C8orf76: variants seen among roughly 807,000 people sequenced by gnomAD.
C8orf76 encodes the protein chromosome 8 open reading frame 76.
Under a neutral mutation model 38.1 loss-of-function variants are expected in C8orf76, and 46 were observed. The observed-to-expected ratio is 1.21, with a 90% CI of 0.95 to 1.54. The LOEUF is 1.54. Among genes scored for constraint, C8orf76 ranks in the 40% most tolerant of loss-of-function variants. C8orf76 has a pLI of 0.00. For missense variants in C8orf76, 461 were observed against 441.6 expected, an observed-to-expected ratio of 1.04 and a Z score of -0.39; for synonymous variants, 166 against 167.5, an observed-to-expected ratio of 0.99 and a Z score of 0.07.
At chr8:123,226,272 C>G (rs1428556190) in intron 5 of C8orf76, 3 of 1,370,014 alleles carry the variant, frequency 2.2e-6, no homozygotes, top group Non-Finnish European at 2.8e-6. Flanking sequence ...CAGGTGCTAA[C>G]AAGCACTGAC....
At chr8:123,232,543 G>A (rs991864811) in intron 3 of C8orf76, among the ~76,000 whole-genome samples, 2 of 152,148 alleles carry the variant, frequency 1.3e-5, no homozygotes, top group Admixed American at 1.3e-4. Context: ...GAGGTCTAAG[G>A]AAAGCCTGGC....
intron 4 of C8orf76, 79 bp from the exon 5 acceptor site, chr8:123,226,711 AGAAAGCCCAGGTATT>A: frequency 6.7e-7 from 1 of 1,503,224 alleles, no homozygotes; most frequent in Non-Finnish European, 8.8e-7. Flanking sequence ...GGAAATGTTC[AGAAAGCCCAGGTATT>A]GAGTCGGCTG....
chr8:123,223,044 G>A (rs1370883116), intron 5 of C8orf76, among the ~76,000 whole-genome samples: 6 of 152,104 alleles, frequency 3.9e-5, no homozygotes, highest in Non-Finnish European at 8.8e-5. Context: ...TTCTTGCAAG[G>A]ATTTATTAAA....
intron 1 of C8orf76, among the ~76,000 whole-genome samples, chr8:123,240,755 G>A (rs1307239856): frequency 6.6e-6 from 1 of 152,212 alleles, no homozygotes; most frequent in African/African-American, 2.4e-5. Flanking sequence ...CTTCCTAGAG[G>A]AGATGACATT....
In C8orf76 at chr8:123,232,303, C is replaced by T. The variant is rs1313372772; in HGVS notation, c.358-546G>A. On this transcript the variant is annotated intron_variant, in intron 3 of 5. Transcript: ENST00000276704. ...ACGCATTCTAATTGAATCCAAATGC[C>T]TTCCCTGGTAACCATTACCAAGGTC... 3.9e-5 allele frequency among the ~76,000 whole-genome samples: 6 copies of T among 152,338 alleles called. 1 individual carries two copies. The highest frequency in any genetic ancestry group is 2.6e-4 in the Admixed American group (4 of 15,308).
rs534528427 is a variant in C8orf76, at chr8:123,235,869, G to A, written c.357+1929C>T. On this transcript the variant is annotated intron_variant, in intron 3 of 5. Coordinates refer to ENST00000276704, the MANE Select transcript of C8orf76 (RefSeq NM_032847.3). ...ACAACAGTGACGTGCAAGAAACGCC[G>A]AGCGAGCAGGACAGTAGTAAAGGCT... is the stretch of plus-strand genomic sequence containing the variant. Among the ~76,000 whole-genome samples the A allele has an allele frequency of 1.1e-4, 16 of 152,302 alleles. No individual in the cohort carries two copies. In the South Asian group the frequency reaches 1.4e-3, roughly 14 times the overall value.
chr8:123,223,830 T>C (rs1489291836), intron 5 of C8orf76, among the ~76,000 whole-genome samples: 1 of 152,172 alleles, frequency 6.6e-6, no homozygotes, highest in African/African-American at 2.4e-5. Context: ...GAAAACATTA[T>C]GCTAAGTGAA....
At chr8:123,231,908 T>C in intron 3 of C8orf76, 151 bp from the exon 4 acceptor site, 1 of 859,618 alleles carries the variant, frequency 1.2e-6, no homozygotes, top group Non-Finnish European at 1.7e-6. Context: ...TCAATATATC[T>C]CATGTTTGAA....
At chr8:123,229,333 C>CTAG (rs905618274) in intron 4 of C8orf76, among the ~76,000 whole-genome samples, 1 of 152,186 alleles carries the variant, frequency 6.6e-6, no homozygotes, top group Non-Finnish European at 1.5e-5. Context: ...CCTGATCCAT[C>CTAG]TAGTGGGATC....
chr8:123,220,691 G>A (rs1221648699), intron 5 of C8orf76, among the ~76,000 whole-genome samples: 1 of 152,122 alleles, frequency 6.6e-6, no homozygotes, highest in Non-Finnish European at 1.5e-5. Flanking sequence ...ATGTAGCTGG[G>A]CCCACCTTTT....
rs1449441439 is a variant in C8orf76, at chr8:123,239,096, G to A, written c.166C>T (p.Leu56Phe). The change falls in exon 2 of 6, where the codon CTC becomes TTC. Residue 56 changes from leucine (L) to phenylalanine (F), a missense_variant. Physicochemically the swap from Leu to Phe is conservative, Grantham distance 22. Coordinates refer to ENST00000276704, the MANE Select transcript of C8orf76 (RefSeq NM_032847.3). The part of the protein sequence containing the change: ...ESSDDVEVLT[L>F]KKFKGDLAYR... ...GCCAGGTCTCCTTTGAATTTCTTGA[G>A]AGTCAGCACTTCAACATCATCACTG... The A allele has an allele frequency of 3.7e-6, 6 of 1,614,016 alleles. No individual in the cohort carries two copies. The South Asian group carries it at 6.6e-5, about 18-fold the overall frequency.
chr8:123,240,699 G>C (rs551336535), intron 1 of C8orf76, among the ~76,000 whole-genome samples: 1 of 152,144 alleles, frequency 6.6e-6, no homozygotes, highest in Non-Finnish European at 1.5e-5. Flanking sequence ...AGAGGGAAGG[G>C]GGCCAAAGAC....
In C8orf76 at chr8:123,220,441, T is replaced by C. The variant is rs189706531; in HGVS notation, c.949-144A>G. On this transcript the variant is annotated intron_variant, in intron 5 of 5. Coordinates refer to ENST00000276704, the MANE Select transcript of C8orf76 (RefSeq NM_032847.3). ...ATTCCCAACACATTGAAAAGATGTT[T>C]GTTCAGAAGTAGTTATCCGTCTATG... is the stretch of plus-strand genomic sequence containing the variant. 2,501 of 616,950 alleles carry C rather than the reference T, an allele frequency of 4.1e-3. 7 individuals are homozygous for C. Among genetic ancestry groups the C allele is most frequent in the Non-Finnish European group, 5.8e-3 (2,125 of 367,348 alleles). 38.2% of individuals were successfully genotyped at this position (616,950 alleles called of 1,614,324 possible). A position where few individuals can be genotyped will look rare whatever the true frequency, so the allele number is the denominator to read the frequency against.
chr8:123,237,157 G>A, intron 3 of C8orf76: 1 of 766,364 alleles, frequency 1.3e-6, no homozygotes, highest in South Asian at 1.4e-5. Context: ...ACCCCGTGCT[G>A]TCAACTCCCG....
chr8:123,231,783 A>G, intron 3 of C8orf76, 26 bp from the exon 4 acceptor site: 1 of 1,535,198 alleles, frequency 6.5e-7, no homozygotes, highest in Non-Finnish European at 8.7e-7. Flanking sequence ...AAAGGTTAAG[A>G]AGTTTAAACT....
At chr8:123,225,010 G>T (rs1248858413) in intron 5 of C8orf76, among the ~76,000 whole-genome samples, 2 of 151,948 alleles carry the variant, frequency 1.3e-5, no homozygotes, top group African/African-American at 4.8e-5. Context: ...GTGTTTTTTT[G>T]TGTTTTGTTT....
intron 5 of C8orf76, among the ~76,000 whole-genome samples, chr8:123,220,723 T>A (rs1237693462): frequency 6.6e-6 from 1 of 152,126 alleles, no homozygotes; most frequent in Non-Finnish European, 1.5e-5. Context: ...AGGACTCTAA[T>A]CCCTCTATAA....
intron 5 of C8orf76, among the ~76,000 whole-genome samples, chr8:123,222,199 G>A (rs998680623): frequency 2.0e-5 from 3 of 151,802 alleles, no homozygotes. Context: ...GTGTTACCCA[G>A]GATGGTCTTG....
At chr8:123,226,724 A>AT in intron 4 of C8orf76, 92 bp from the exon 5 acceptor site, 2 of 1,484,176 alleles carry the variant, frequency 1.3e-6, no homozygotes, top group South Asian at 1.4e-5. Context: ...AAGCCCAGGT[A>AT]TTGAGTCGGC....
Sources: gnomAD v4.1 joint callset for allele counts (sites outside exome capture counted in the v4.1 genomes callset) on GRCh38, gnomAD v4.1.1 for gene constraint, MANE v1.5 for transcripts, NCBI Gene and HGNC (gene_info 2026-07-23, HGNC 2026-07-21) for gene names.